Variants in LIPC observed in about 807,000 individuals in gnomAD.
LIPC encodes the protein lipase C, hepatic type.
A neutral mutation model predicts 50.7 loss-of-function variants in LIPC; 44 were observed. The ratio of observed to expected loss-of-function variants is 0.87; its 90% CI spans 0.68 to 1.11. The LOEUF (loss-of-function observed/expected upper bound fraction) is 1.11. Ranked by LOEUF, LIPC falls within the 50% of genes most tolerant of loss-of-function variation. The pLI, the probability that LIPC is intolerant of heterozygous loss-of-function variation, is 0.00. For synonymous variants in LIPC, 271 were observed against 256.4 expected (o/e 1.06, Z -0.54); for missense variants, 697 against 648.2 (o/e 1.08, Z -0.82).
intron 1 of LIPC, among the ~76,000 whole-genome samples, chr15:58,511,349 C>T (rs1340920379): frequency 6.6e-6 from 1 of 152,110 alleles, no homozygotes; most frequent in African/African-American, 2.4e-5. Flanking sequence ...CTCACTAACC[C>T]CAAGGCCCTA....
chr15:58,566,322 G>T (rs946639143), intron 8 of LIPC: 1 of 985,454 alleles, frequency 1.0e-6, no homozygotes. Context: ...TGGCTGGCAG[G>T]ATCGGATGGA....
At chr15:58,461,581 G>GT (rs1894349673) in intron 1 of LIPC, among the ~76,000 whole-genome samples, 1 of 146,328 alleles carries the variant, frequency 6.8e-6, no homozygotes, top group Admixed American at 6.8e-5. Flanking sequence ...GCTAATTTTT[G>GT]ATTTTTTTTT....
chr15:58,471,331 G>GGA (rs1555399325), intron 1 of LIPC, among the ~76,000 whole-genome samples: 4 of 139,002 alleles, frequency 2.9e-5, no homozygotes, highest in African/African-American at 1.1e-4. Context: ...GTAGAGATGG[G>GGA]GGGGGGTGGT....
chr15:58,526,481 C>T (rs1234967150), intron 1 of LIPC, among the ~76,000 whole-genome samples: 1 of 152,190 alleles, frequency 6.6e-6, no homozygotes, highest in Non-Finnish European at 1.5e-5. Context: ...CACCTAAGCC[C>T]AGTAGATTTC....
intron 1 of LIPC, among the ~76,000 whole-genome samples, chr15:58,537,172 A>G (rs1893152793): frequency 6.6e-6 from 1 of 152,134 alleles, no homozygotes; most frequent in African/African-American, 2.4e-5. Flanking sequence ...AGATGCGCCC[A>G]TCTTGACATG....
chr15:58,481,879 C>T lies in LIPC; in HGVS notation c.88+49759C>T, dbSNP rs145034418. On this transcript the variant is annotated intron_variant, in intron 1 of 8. Transcript: ENST00000299022. The stretch of plus-strand genomic sequence containing the variant: ...AAGATATAAGTGAAAAGACAAGGTG[C>T]CAACCAGTATGCATGGCTTCATCCA... 3.4e-4 allele frequency among the ~76,000 whole-genome samples: 52 copies of T among 152,264 alleles called. 1 individual carries two copies. The highest frequency in any genetic ancestry group is 1.2e-3 in the African/African-American group (50 of 41,554).
intron 6 of LIPC, among the ~76,000 whole-genome samples, chr15:58,554,869 G>T (rs1893880439): frequency 6.6e-6 from 1 of 152,220 alleles, no homozygotes; most frequent in Non-Finnish European, 1.5e-5. Flanking sequence ...AGTCATGCAA[G>T]ATTCTCCGTG....
In LIPC at chr15:58,471,328, T is replaced by TGC. The variant is rs1555399294; in HGVS notation, c.88+39209_88+39210insCG. Among the ~76,000 whole-genome samples the TGC allele has an allele frequency of 4.4e-4, 50 of 114,210 alleles. 1 individual carries two copies. Among genetic ancestry groups the TGC allele is most frequent in the African/African-American group, 5.4e-4 (16 of 29,466 alleles). The allele number at this position is 114,210 out of a possible 152,430, so 74.9% of individuals were successfully genotyped here. A position where few individuals can be genotyped will look rare whatever the true frequency, so the allele number is the denominator to read the frequency against. On this transcript the variant is annotated intron_variant, in intron 1 of 8. Transcript: ENST00000299022. ...ATTTTTTTTGTATTTTTAGTAGAGA[T>TGC]GGGGGGGGGTGGTCTCACCATGTTG...
chr15:58,471,589 G>T (rs531660216), intron 1 of LIPC, among the ~76,000 whole-genome samples: 1 of 152,320 alleles, frequency 6.6e-6, no homozygotes, highest in Non-Finnish European at 1.5e-5. Context: ...CATGGCAGCA[G>T]CAAGAGGCAG....
At chr15:58,493,030 G>A (rs2140811991) in intron 1 of LIPC, among the ~76,000 whole-genome samples, 1 of 152,174 alleles carries the variant, frequency 6.6e-6, no homozygotes, top group Admixed American at 6.5e-5. Flanking sequence ...CATTCTCCCA[G>A]TGATCCAGAA....
intron 1 of LIPC, among the ~76,000 whole-genome samples, chr15:58,472,270 C>CAAAAA (rs35901617): frequency 1.1e-4 from 10 of 87,638 alleles, no homozygotes; most frequent in South Asian, 4.1e-4. Flanking sequence ...CATTTGGTCT[C>CAAAAA]AAAAAAAAAA....
intron 1 of LIPC, among the ~76,000 whole-genome samples, chr15:58,530,958 G>A (rs754954922): frequency 2.6e-5 from 4 of 152,194 alleles, no homozygotes; most frequent in African/African-American, 4.8e-5. Flanking sequence ...TATGAATAAA[G>A]CTGCCATGAA....
At chr15:58,450,065 C>T (rs558460216) in intron 1 of LIPC, among the ~76,000 whole-genome samples, 85 of 152,258 alleles carry the variant, frequency 5.6e-4, no homozygotes, top group African/African-American at 2.0e-3. Flanking sequence ...AAAATTGCCC[C>T]TGTCTTATGG....
At chr15:58,503,467 T>C (rs750813125) in intron 1 of LIPC, among the ~76,000 whole-genome samples, 3 of 152,136 alleles carry the variant, frequency 2.0e-5, no homozygotes, top group African/African-American at 7.2e-5. Flanking sequence ...CAAGGAATCA[T>C]TGGCAGGACT....
rs1300413639 is a variant in LIPC at position 58,436,588 on chromosome 15, G to A, written c.88+4468G>A. On this transcript the variant is annotated intron_variant, in intron 1 of 8. Coordinates refer to ENST00000299022, the MANE Select transcript of LIPC (RefSeq NM_000236.3). ...CATAAATATGACTGAAAATACTTTTGTCTTATAGAGCAGAGGGTCATTAAA... is the reference window on the plus strand; with the variant it reads ...CATAAATATGACTGAAAATACTTTTATCTTATAGAGCAGAGGGTCATTAAA... 3 of 328,362 alleles carry A rather than the reference G, an allele frequency of 9.1e-6. No individual in the cohort carries two copies. The Admixed American group carries it at 1.2e-4, about 13-fold the overall frequency. 20.3% of individuals were successfully genotyped at this position (328,362 alleles called of 1,614,324 possible). A position where few individuals can be genotyped will look rare whatever the true frequency, so the allele number is the denominator to read the frequency against.
At chr15:58,501,007 T>C (rs41292494) in intron 1 of LIPC, among the ~76,000 whole-genome samples, 1,783 of 152,182 alleles carry the variant, frequency 0.012, 36 homozygotes, top group African/African-American at 0.041. Flanking sequence ...AGCCAATCCA[T>C]ATTTCTCCCA....
chr15:58,449,525 C>T (rs1262471343), intron 1 of LIPC, among the ~76,000 whole-genome samples: 2 of 151,278 alleles, frequency 1.3e-5, no homozygotes, highest in African/African-American at 2.4e-5. Context: ...ATGCAGGTTG[C>T]TGGGAGGAAT....
In LIPC at chr15:58,563,546, T is replaced by G; in HGVS notation, c.1211T>G (p.Ile404Ser). Residue 404 changes from isoleucine to serine, a missense_variant, in exon 8 of 9, where the codon ATC (isoleucine) becomes AGC (serine). Physicochemically the swap from Ile to Ser is moderately radical, Grantham distance 142 (BLOSUM62 -2). Coordinates refer to ENST00000299022, the MANE Select transcript of LIPC (RefSeq NM_000236.3). The stretch of plus-strand genomic sequence containing the variant: ...AGTAATAAAACGTATTCCTTTCTTA[T>G]CACGCTGGATGTGGATATCGGCGAG... ...IASNKTYSFL[I>S]TLDVDIGELI... is the part of the protein sequence containing the mutation. 1.9e-6 allele frequency: 3 copies of G among 1,614,236 alleles called. No homozygotes were observed. The highest frequency in any genetic ancestry group is 2.5e-6 in the Non-Finnish European group (3 of 1,180,040).
chr15:58,488,058 G>T (rs1891438113), intron 1 of LIPC, among the ~76,000 whole-genome samples: 1 of 152,210 alleles, frequency 6.6e-6, no homozygotes, highest in South Asian at 2.1e-4. Flanking sequence ...ATCCCTCGAG[G>T]TCAGGAGGTC....
Sources: gnomAD v4.1 joint callset for allele counts (sites outside exome capture counted in the v4.1 genomes callset) on GRCh38, gnomAD v4.1.1 for gene constraint, MANE v1.5 for transcripts, NCBI Gene and HGNC (gene_info 2026-07-23, HGNC 2026-07-21) for gene names.